The following POGZ variants were observed in gnomAD, a reference collection of about 807,000 sequenced individuals.
POGZ encodes pogo transposable element with ZNF domain.
POGZ carries 17 observed loss-of-function variants against 134.6 expected under a neutral mutation model. The observed-to-expected ratio is 0.13, with a 90% CI of 0.09 to 0.19. POGZ has a LOEUF of 0.19. Ranked by LOEUF, POGZ falls within the 10% of genes least tolerant of loss-of-function variation. The pLI is 1.00. For missense variants in POGZ, 1,306 were observed against 1,769.7 expected (o/e 0.74, Z 4.70); for synonymous variants, 693 against 657.1 (o/e 1.05, Z -0.84).
chr1:151,420,269 C>G (rs1204406631), intron 10 of POGZ, among the ~76,000 whole-genome samples: 1 of 152,166 alleles, frequency 6.6e-6, no homozygotes, highest in East Asian at 1.9e-4. Context: ...ATCGTGAGTC[C>G]TATTCTAGAC....
At chr1:151,416,210 CAAAAAAAAAAAA>C (rs1212371839) in intron 10 of POGZ, among the ~76,000 whole-genome samples, 1 of 42,782 alleles carries the variant, frequency 2.3e-5, no homozygotes, top group Middle Eastern at 0.033. Context: ...AACTCCATCT[CAAAAAAAAAAAA>C]AAAAAAAAAA....
At chr1:151,448,919 C>T (rs983489267) in intron 1 of POGZ, among the ~76,000 whole-genome samples, 4 of 152,124 alleles carry the variant, frequency 2.6e-5, no homozygotes, top group Admixed American at 6.6e-5. Context: ...TTTCCTTGAA[C>T]ACAAGATATA....
At chr1:151,442,676 A>C (rs1660721634) in intron 1 of POGZ, among the ~76,000 whole-genome samples, 1 of 117,472 alleles carries the variant, frequency 8.5e-6, no homozygotes, top group Non-Finnish European at 1.7e-5. Flanking sequence ...ACAACACTGC[A>C]CTCCAGCCTG....
At chr1:151,408,355 A>G in intron 14 of POGZ, 54 bp downstream of exon 14, 1 of 1,559,784 alleles carries the variant, frequency 6.4e-7, no homozygotes, top group Non-Finnish European at 8.7e-7. Context: ...TGTATCAGGA[A>G]TAATCCTGGC....
chr1:151,441,133 C>T (rs1227115267), intron 2 of POGZ, 47 bp from the exon 3 acceptor site: 1 of 1,511,892 alleles, frequency 6.6e-7, no homozygotes, highest in African/African-American at 1.4e-5. Context: ...GGACAGATGA[C>T]ACTAAAGGAT....
chr1:151,408,259 A>G lies in POGZ; in HGVS notation c.2235-19T>C, dbSNP rs1163154684. On this transcript the variant is annotated intron_variant, in intron 14 of 18. Transcript: ENST00000271715. ...GACACTCCTGTGGGGGAAAAAAAAA[A>G]AGAATTCTCATTACTGCCTCATGGG... 1.2e-6 allele frequency: 2 copies of G among 1,603,192 alleles called. No homozygotes were observed. The highest frequency in any genetic ancestry group is 1.7e-6 in the Non-Finnish European group (2 of 1,176,682).
In POGZ at chr1:151,404,772, T is replaced by C. The variant is rs6667714; in HGVS notation, c.*30A>G. On this transcript the variant is annotated 3_prime_UTR_variant, in exon 19 of 19. Coordinates refer to ENST00000271715, the MANE Select transcript of POGZ (RefSeq NM_015100.4). The stretch of plus-strand genomic sequence containing the variant: ...TACCCTCCCTCACATGTTCCCACCC[T>C]CACTCCACACCCCCTCATGACCCCA... The C allele has an allele frequency of 1, 1,542,461 of 1,549,416 alleles. 768,065 individuals are homozygous for C. Among genetic ancestry groups the C allele is most frequent in the East Asian group, 1 (44,044 of 44,044 alleles).
At chr1:151,418,130 C>A (rs374590137) in intron 10 of POGZ, among the ~76,000 whole-genome samples, 1 of 151,888 alleles carries the variant, frequency 6.6e-6, no homozygotes, top group East Asian at 1.9e-4. Context: ...GCAGGAGAAT[C>A]ACTTTAACCC....
intron 1 of POGZ, among the ~76,000 whole-genome samples, chr1:151,452,262 G>A (rs1662209280): frequency 1.3e-5 from 2 of 151,810 alleles, no homozygotes. Context: ...TATTCATGTA[G>A]GAGAATGTAT....
chr1:151,446,542 G>C (rs1661300964), intron 1 of POGZ, among the ~76,000 whole-genome samples: 1 of 152,050 alleles, frequency 6.6e-6, no homozygotes, highest in Non-Finnish European at 1.5e-5. Flanking sequence ...GATCACCTGA[G>C]GTTGAGAGTT....
intron 3 of POGZ, among the ~76,000 whole-genome samples, chr1:151,437,625 G>A (rs888436315): frequency 6.6e-6 from 1 of 151,980 alleles, no homozygotes; most frequent in Non-Finnish European, 1.5e-5. Context: ...GGCAGCGCAT[G>A]CCTGTAATCC....
Position 151,408,250 on chromosome 1 carries a change from A to G in POGZ, c.2235-10T>C, listed in dbSNP as rs557225984. On this transcript the variant is annotated splice_polypyrimidine_tract_variant and intron_variant, in intron 14 of 18. Transcript: ENST00000271715. ...CCGGCCCATGACACTCCTGTGGGGG[A>G]AAAAAAAAAAGAATTCTCATTACTG... The G allele has an allele frequency of 3.0e-4, 259 of 855,158 alleles. 1 individual carries two copies. The highest frequency in any genetic ancestry group is 1.4e-3 in the Middle Eastern group (5 of 3,554). 53.0% of individuals were successfully genotyped at this position (855,158 alleles called of 1,614,324 possible).
At chr1:151,413,291 A>T (rs775908397) in intron 10 of POGZ, among the ~76,000 whole-genome samples, 29 of 150,714 alleles carry the variant, frequency 1.9e-4, no homozygotes, top group South Asian at 4.2e-4. Context: ...ATTAAAAAAA[A>T]TTTTTTTTTG....
intron 11 of POGZ, 150 bp downstream of exon 11, chr1:151,412,146 A>G: frequency 3.6e-6 from 2 of 548,418 alleles, no homozygotes; most frequent in Non-Finnish European, 6.4e-6. Context: ...GAAACCCTGA[A>G]GATAAACTGT....
intron 10 of POGZ, among the ~76,000 whole-genome samples, chr1:151,416,458 C>T (rs1053197292): frequency 5.3e-5 from 8 of 151,946 alleles, no homozygotes; most frequent in East Asian, 1.9e-4. Context: ...GCTGTGATTG[C>T]GTCACTGCAT....
Position 151,441,051 on chromosome 1 carries a change from G to C in POGZ, c.160C>G (p.Pro54Ala). 6.2e-7 allele frequency: 1 copy of C among 1,613,976 alleles called. No individual in the cohort carries two copies. Among genetic ancestry groups the C allele is most frequent in the Non-Finnish European group, 8.5e-7 (1 of 1,179,910 alleles). ...GCAACAGAAGCATGGGCAGCGATGG[G>C]CACTGGAGCCGAGACTGGCTGCTGG... is the stretch of plus-strand genomic sequence containing the variant. The part of the protein sequence containing the change: ...VSQQPVSAPV[P>A]IAAHASVAGH... Residue 54 changes from proline (P) to alanine (A), a missense_variant, in exon 3 of 19, where the codon CCC (proline) becomes GCC (alanine). Pro to Ala is a conservative substitution (Grantham distance 27). This residue lies in a region of POGZ where 541 missense variants were observed against 680.5 expected (regional missense o/e 0.80). Transcript: ENST00000271715.
intron 7 of POGZ, 48 bp downstream of exon 7, chr1:151,427,775 T>C (rs1387846523): frequency 4.2e-6 from 5 of 1,188,664 alleles, no homozygotes; most frequent in South Asian, 3.7e-5. Flanking sequence ...AACACTTTAT[T>C]AATGTTTTTG....
chr1:151,432,941 T>C (rs1001210022), intron 3 of POGZ, among the ~76,000 whole-genome samples: 17 of 152,240 alleles, frequency 1.1e-4, no homozygotes, highest in African/African-American at 3.1e-4. Context: ...ACTCTTTTAA[T>C]CTATAGGTTC....
At chr1:151,415,490 G>A (rs571899842) in intron 10 of POGZ, among the ~76,000 whole-genome samples, 79 of 151,784 alleles carry the variant, frequency 5.2e-4, no homozygotes, top group Non-Finnish European at 9.7e-4. Context: ...CTAACACGAT[G>A]AAACCCCGTC....
Sources: gnomAD v4.1 joint callset for allele counts (sites outside exome capture counted in the v4.1 genomes callset) on GRCh38, gnomAD v4.1.1 for gene constraint, gnomAD v4.1.1 regional missense constraint, MANE v1.5 for transcripts, NCBI Gene and HGNC (gene_info 2026-07-23, HGNC 2026-07-21) for gene names.